The following SEMA6A variants were observed in gnomAD, a reference collection of about 807,000 sequenced individuals.
SEMA6A encodes semaphorin 6A, also known as semaphorin-6A.
In SEMA6A, 25 loss-of-function variants were observed where a neutral mutation model predicts 96.8. That is an observed-to-expected ratio of 0.26 (90% CI 0.19 to 0.36). The LOEUF is 0.36. Among genes scored for constraint, SEMA6A ranks in the 10% least tolerant of loss-of-function variants. The pLI is 1.00. For missense variants in SEMA6A, 1,363 were observed against 1,323.1 expected, an observed-to-expected ratio of 1.03 and a Z score of -0.47; for synonymous variants, 612 against 518.0, an observed-to-expected ratio of 1.18 and a Z score of -2.46.
chr5:116,475,710 GTGGCAGGTGC>G, intron 15 of SEMA6A, 107 bp from the exon 16 acceptor site: 1 of 713,186 alleles, frequency 1.4e-6, no homozygotes, highest in Non-Finnish European at 2.3e-6. Flanking sequence ...GATAAATTGA[GTGGCAGGTGC>G]AAAAAAGAAA....
chr5:116,454,223 C>G (rs1754840289), intron 18 of SEMA6A, among the ~76,000 whole-genome samples: 3 of 152,108 alleles, frequency 2.0e-5, no homozygotes, highest in Non-Finnish European at 4.4e-5. Flanking sequence ...GACATTTCCT[C>G]CATCACTGAG....
At chr5:116,552,692 G>A (rs1048845449) in intron 1 of SEMA6A, among the ~76,000 whole-genome samples, 28 of 152,230 alleles carry the variant, frequency 1.8e-4, no homozygotes, top group Admixed American at 3.9e-4. Flanking sequence ...GATCTATTTC[G>A]GTGAAGGGAC....
In SEMA6A at chr5:116,480,152, T is replaced by A. The variant is rs1440057517; in HGVS notation, c.1220A>T (p.Asn407Ile). The change falls in exon 12 of 19, where the codon AAC becomes ATC. Residue 407 changes from asparagine (N) to isoleucine (I), a missense_variant. By Grantham distance (149) the Asn-to-Ile change is moderately radical (BLOSUM62 -3). Transcript: ENST00000343348. ...LMDEAVPSIFNRPWFLRTMVR... is the reference protein window; with the variant it reads ...LMDEAVPSIFIRPWFLRTMVR... ...CATTGTTCTCAGGAACCATGGCCTG[T>A]TGAAGATGGAGGGCACTGCCTCATC... is the stretch of plus-strand genomic sequence containing the variant. 1 of 1,613,704 alleles carries A rather than the reference T, an allele frequency of 6.2e-7. No individual in the cohort carries two copies. The highest frequency in any genetic ancestry group is 1.3e-5 in the African/African-American group (1 of 74,904).
chr5:116,480,242 C>A lies in SEMA6A; in HGVS notation c.1130G>T (p.Arg377Ile). 1 of 1,613,792 alleles carries A rather than the reference C, an allele frequency of 6.2e-7. No homozygotes were observed. The highest frequency in any genetic ancestry group is 8.5e-7 in the Non-Finnish European group (1 of 1,179,770). Residue 377 changes from arginine to isoleucine, a missense_variant, in exon 12 of 19, where the codon AGA becomes ATA. Physicochemically the swap from Arg to Ile is moderately conservative, Grantham distance 97. This residue lies in a region of SEMA6A where 480 missense variants were observed against 559.5 expected (regional missense o/e 0.86). Coordinates refer to ENST00000343348, the MANE Select transcript of SEMA6A (RefSeq NM_020796.5). ...GCCAGSSSLE[R>I]YATSNEFPDD... ...AGGGAACTCATTGGAGGTTGCATAT[C>A]TTTCTAAGGAGGATGAGCCAGCACA...
At chr5:116,539,187 C>T (rs1207018198) in intron 1 of SEMA6A, among the ~76,000 whole-genome samples, 1 of 152,210 alleles carries the variant, frequency 6.6e-6, no homozygotes, top group Non-Finnish European at 1.5e-5. Flanking sequence ...CAACTTTTCT[C>T]AACAGGCTTT....
Position 116,496,232 on chromosome 5 carries a change from A to G in SEMA6A, c.342+19T>C, listed in dbSNP as rs199622748. 2 of 1,608,868 alleles carry G rather than the reference A, an allele frequency of 1.2e-6. No homozygotes were observed. Among genetic ancestry groups the G allele is most frequent in the African/African-American group, 1.4e-5 (1 of 73,934 alleles). On this transcript the variant is annotated intron_variant, in intron 5 of 18. Transcript: ENST00000343348. ...CTTAACCCAAAGTGGCAGCTGCAGG[A>G]GAAATGAAAATTGCCTACCTTATGT...
intron 1 of SEMA6A, among the ~76,000 whole-genome samples, chr5:116,551,291 A>G (rs1306131639): frequency 1.4e-5 from 2 of 147,804 alleles, no homozygotes; most frequent in African/African-American, 4.9e-5. Flanking sequence ...CAAGTGTAGA[A>G]TCAATTCTGC....
At chr5:116,573,225 A>C (rs1761306486) in intron 1 of SEMA6A, among the ~76,000 whole-genome samples, 1 of 152,146 alleles carries the variant, frequency 6.6e-6, no homozygotes, top group Non-Finnish European at 1.5e-5. Context: ...CCTAGGACAC[A>C]GTGAGGAGTC....
chr5:116,462,510 T>C (rs1190607761), intron 18 of SEMA6A, among the ~76,000 whole-genome samples: 1 of 152,204 alleles, frequency 6.6e-6, no homozygotes, highest in Non-Finnish European at 1.5e-5. Flanking sequence ...ACTTGCCAGA[T>C]GCTTAACAAG....
chr5:116,497,411 C>T (rs767970750), intron 3 of SEMA6A, 24 bp from the exon 4 acceptor site: 11 of 1,424,252 alleles, frequency 7.7e-6, no homozygotes, highest in Non-Finnish European at 3.9e-6. Flanking sequence ...AAAATTAATA[C>T]AAGGTCAAAC....
At chr5:116,459,925 C>A (rs1755269465) in intron 18 of SEMA6A, among the ~76,000 whole-genome samples, 1 of 151,940 alleles carries the variant, frequency 6.6e-6, no homozygotes, top group Admixed American at 6.6e-5. Flanking sequence ...CTGTTGAATG[C>A]AGGAAAAAAG....
intron 1 of SEMA6A, among the ~76,000 whole-genome samples, chr5:116,522,327 C>T (rs1758994338): frequency 6.6e-6 from 1 of 152,066 alleles, no homozygotes; most frequent in Non-Finnish European, 1.5e-5. Context: ...GAGCTTAGAC[C>T]TACTGATAAC....
At chr5:116,562,911 C>G in intron 1 of SEMA6A, 1 of 601,026 alleles carries the variant, frequency 1.7e-6, no homozygotes, top group Non-Finnish European at 3.2e-6. Context: ...GCCCTCGAGC[C>G]CTTGCCCCCT....
At chr5:116,473,612 G>A (rs750141686) in intron 16 of SEMA6A, among the ~76,000 whole-genome samples, 14 of 152,202 alleles carry the variant, frequency 9.2e-5, no homozygotes, top group Non-Finnish European at 1.9e-4. Flanking sequence ...ACATATCTGG[G>A]TGTGTGCTGT....
chr5:116,476,726 A>T (rs1756469723), intron 15 of SEMA6A, among the ~76,000 whole-genome samples: 1 of 152,174 alleles, frequency 6.6e-6, no homozygotes, highest in Non-Finnish European at 1.5e-5. Flanking sequence ...AGGTCATCTC[A>T]TAGCTCCCCT....
At chr5:116,559,279 G>A (rs532307799) in intron 1 of SEMA6A, among the ~76,000 whole-genome samples, 5 of 152,260 alleles carry the variant, frequency 3.3e-5, no homozygotes, top group East Asian at 1.9e-4. Flanking sequence ...CTGGAAGCTT[G>A]GGGGGATGAA....
intron 18 of SEMA6A, among the ~76,000 whole-genome samples, chr5:116,454,297 G>C (rs913529307): frequency 6.6e-6 from 1 of 152,102 alleles, no homozygotes; most frequent in East Asian, 1.9e-4. Context: ...GAAAAGCCCC[G>C]GAGTAGCATC....
chr5:116,563,010 G>A (rs1760881856), intron 1 of SEMA6A: 2 of 540,776 alleles, frequency 3.7e-6, no homozygotes, highest in Non-Finnish European at 7.1e-6. Context: ...GTCGCCATCT[G>A]TGAACAAGAC....
At chr5:116,550,197 T>C (rs1324539438) in intron 1 of SEMA6A, 1 of 152,232 alleles carries the variant, frequency 6.6e-6, no homozygotes, top group Non-Finnish European at 1.5e-5. Flanking sequence ...TTTCCTCTTA[T>C]GGCTACTTCT....
Sources: allele counts gnomAD v4.1 joint callset (sites outside exome capture counted in the v4.1 genomes callset), GRCh38; gene constraint gnomAD v4.1.1; regional missense constraint gnomAD v4.1.1; transcripts MANE v1.5; gene names NCBI Gene and HGNC (gene_info 2026-07-23, HGNC 2026-07-21).